Variants in CAST observed in about 807,000 individuals in gnomAD.
CAST encodes the protein MIR583 host.
In CAST, 76 loss-of-function variants were observed where a neutral mutation model predicts 119.6. The ratio of observed to expected loss-of-function variants is 0.64; its 90% CI spans 0.53 to 0.77. The LOEUF is 0.77. Ranked by LOEUF, CAST falls within the 30% of genes least tolerant of loss-of-function variation. The pLI is 0.00. For missense variants in CAST, 953 were observed against 946.5 expected, an observed-to-expected ratio of 1.01 and a Z score of -0.09; for synonymous variants, 319 against 331.6, an observed-to-expected ratio of 0.96 and a Z score of 0.41.
chr5:96,057,357 T>C, the CAST span, among the ~76,000 whole-genome samples: 1 of 152,216 alleles, frequency 6.6e-6, no homozygotes, highest in Non-Finnish European at 1.5e-5. Flanking sequence ...AGTTTTTGAC[T>C]ATTTTGAGTT....
At chr5:96,168,864 G>A in the CAST span, among the ~76,000 whole-genome samples, 56 of 152,276 alleles carry the variant, frequency 3.7e-4, no homozygotes, top group Middle Eastern at 3.4e-3. Flanking sequence ...TATGTGTCAG[G>A]TGGGAGGAAG....
chr5:96,463,532 T>A, the CAST span, among the ~76,000 whole-genome samples: 1 of 152,110 alleles, frequency 6.6e-6, no homozygotes, highest in Non-Finnish European at 1.5e-5. Flanking sequence ...ATCCAGGACA[T>A]AAACACAATA....
the CAST span, among the ~76,000 whole-genome samples, chr5:96,369,162 C>T: frequency 6.6e-6 from 1 of 151,122 alleles, no homozygotes; most frequent in Non-Finnish European, 1.5e-5. Flanking sequence ...TTTTCTATTT[C>T]TGATTTCTCG....
chr5:96,158,735 G>A, the CAST span, among the ~76,000 whole-genome samples: 2 of 152,228 alleles, frequency 1.3e-5, no homozygotes, highest in Admixed American at 1.3e-4. Context: ...GGCATCAGAT[G>A]TGGATGCTGT....
chr5:96,344,223 A>T, the CAST span, among the ~76,000 whole-genome samples: 890 of 152,238 alleles, frequency 5.8e-3, 9 homozygotes, highest in African/African-American at 0.02. Flanking sequence ...TCTAGTGATG[A>T]GTCTGTATGT....
the CAST span, among the ~76,000 whole-genome samples, chr5:96,294,393 G>A: frequency 6.6e-6 from 1 of 152,174 alleles, no homozygotes; most frequent in Non-Finnish European, 1.5e-5. Flanking sequence ...GTCTTTTCCT[G>A]GAATCCTATG....
chr5:96,484,291 C>T, the CAST span, among the ~76,000 whole-genome samples: 6 of 152,286 alleles, frequency 3.9e-5, no homozygotes, highest in South Asian at 8.3e-4. Flanking sequence ...GTCACTCTTA[C>T]GCACACTTTT....
At chr5:96,760,310 A>G (rs1255292509) in intron 24 of CAST, among the ~76,000 whole-genome samples, 1 of 152,002 alleles carries the variant, frequency 6.6e-6, no homozygotes. Flanking sequence ...TTGTAGTGGT[A>G]TATCAAATAG....
the CAST span, among the ~76,000 whole-genome samples, chr5:96,224,993 T>C: frequency 6.6e-6 from 1 of 152,210 alleles, no homozygotes; most frequent in Non-Finnish European, 1.5e-5. Context: ...TGTGCTCCAC[T>C]CCCTGATTCA....
chr5:96,768,332 C>A, intron 29 of CAST: 1 of 426,600 alleles, frequency 2.3e-6, no homozygotes, highest in East Asian at 6.8e-5. Flanking sequence ...GATCTGCCAA[C>A]CTCTACCTCC....
chr5:96,164,952 G>A, the CAST span, among the ~76,000 whole-genome samples: 1 of 152,126 alleles, frequency 6.6e-6, no homozygotes, highest in Admixed American at 6.5e-5. Flanking sequence ...CCTTGGTAGT[G>A]GGGTGGAACG....
At chr5:96,134,261 C>T in the CAST span, among the ~76,000 whole-genome samples, 1 of 152,128 alleles carries the variant, frequency 6.6e-6, no homozygotes, top group Non-Finnish European at 1.5e-5. Context: ...AACTGCAGAC[C>T]CACAAGAATA....
chr5:96,669,357 T>G (rs1320370379), intron 1 of CAST, among the ~76,000 whole-genome samples: 1 of 152,254 alleles, frequency 6.6e-6, no homozygotes, highest in Admixed American at 6.5e-5. Flanking sequence ...CTTTCTCTTT[T>G]GTCTAGTTTA....
At chr5:96,372,535 G>A in the CAST span, among the ~76,000 whole-genome samples, 2 of 152,056 alleles carry the variant, frequency 1.3e-5, no homozygotes, top group Non-Finnish European at 2.9e-5. Flanking sequence ...ACCAGGGACT[G>A]CTGCATTGGT....
the CAST span, among the ~76,000 whole-genome samples, chr5:96,073,560 C>T: frequency 2.0e-5 from 3 of 152,222 alleles, no homozygotes; most frequent in African/African-American, 4.8e-5. Context: ...AATTTTTCCA[C>T]GGATGGATGG....
intron 11 of CAST, among the ~76,000 whole-genome samples, chr5:96,738,410 C>T (rs536566183): frequency 6.6e-6 from 1 of 152,048 alleles, no homozygotes; most frequent in Non-Finnish European, 1.5e-5. Context: ...AAATTAGTAT[C>T]GGGGATGGAA....
chr5:96,758,067 A>G (rs1766734798), intron 24 of CAST, among the ~76,000 whole-genome samples: 1 of 152,174 alleles, frequency 6.6e-6, no homozygotes, highest in Non-Finnish European at 1.5e-5. Context: ...AGGAACAATC[A>G]TAAAATTAAT....
the CAST span, among the ~76,000 whole-genome samples, chr5:96,156,000 A>G: frequency 6.6e-6 from 1 of 152,184 alleles, no homozygotes; most frequent in Non-Finnish European, 1.5e-5. Context: ...CTATTCACCA[A>G]CCTTCTCGAA....
chr5:96,112,449 C>G, the CAST span, among the ~76,000 whole-genome samples: 3 of 152,200 alleles, frequency 2.0e-5, no homozygotes, highest in South Asian at 2.1e-4. Context: ...ATATCCTCCA[C>G]TAGGAGGATA....
Sources: allele counts gnomAD v4.1 joint callset (sites outside exome capture counted in the v4.1 genomes callset), GRCh38; gene constraint gnomAD v4.1.1; transcripts MANE v1.5; gene names NCBI Gene and HGNC (gene_info 2026-07-23, HGNC 2026-07-21).